PLCXD3: variants seen among roughly 807,000 people sequenced by gnomAD.
PLCXD3 encodes the protein phosphatidylinositol specific phospholipase C X domain containing 3.
In PLCXD3, 19 loss-of-function variants were observed where a neutral mutation model predicts 25.5. That is an observed-to-expected ratio of 0.75 (90% CI 0.52 to 1.09). The LOEUF (loss-of-function observed/expected upper bound fraction) is 1.09. PLCXD3 is among the 50% of genes least tolerant of loss of function. PLCXD3 has a pLI of 0.00. For missense variants in PLCXD3, 411 were observed against 388.1 expected (o/e 1.06, Z -0.50); for synonymous variants, 174 against 137.6 (o/e 1.26, Z -1.85).
chr5:41,437,312 G>C (rs1174299805), intron 1 of PLCXD3, among the ~76,000 whole-genome samples: 2 of 152,196 alleles, frequency 1.3e-5, no homozygotes, highest in African/African-American at 4.8e-5. Context: ...TGGCCACAAT[G>C]ATCTTTCATT....
intron 1 of PLCXD3, among the ~76,000 whole-genome samples, chr5:41,454,522 A>T (rs1234057085): frequency 6.6e-6 from 1 of 151,946 alleles, no homozygotes; most frequent in Non-Finnish European, 1.5e-5. Flanking sequence ...TGACCTAATT[A>T]CCTTCCAAAG....
At chr5:41,470,099 A>G (rs1346072381) in intron 1 of PLCXD3, among the ~76,000 whole-genome samples, 2 of 152,240 alleles carry the variant, frequency 1.3e-5, no homozygotes, top group Admixed American at 1.3e-4. Context: ...AAAAACACAC[A>G]GTGTGGAATA....
At chr5:41,476,752 A>G (rs1278775907) in intron 1 of PLCXD3, among the ~76,000 whole-genome samples, 1 of 152,190 alleles carries the variant, frequency 6.6e-6, no homozygotes, top group African/African-American at 2.4e-5. Context: ...GTTGAACCTG[A>G]GGTTGGTCTT....
intron 1 of PLCXD3, among the ~76,000 whole-genome samples, chr5:41,480,032 G>A (rs960321246): frequency 1.3e-5 from 2 of 152,098 alleles, no homozygotes; most frequent in African/African-American, 4.8e-5. Context: ...TTGGGAAAAT[G>A]CATTTGTTAT....
At chr5:41,428,728 C>A (rs1217772014) in intron 1 of PLCXD3, among the ~76,000 whole-genome samples, 1 of 152,126 alleles carries the variant, frequency 6.6e-6, no homozygotes, top group Non-Finnish European at 1.5e-5. Flanking sequence ...CTTTTAAAAT[C>A]AGTCCCTTCA....
chr5:41,390,764 A>G (rs1042902695), intron 1 of PLCXD3, among the ~76,000 whole-genome samples: 4 of 152,170 alleles, frequency 2.6e-5, no homozygotes, highest in Admixed American at 2.6e-4. Context: ...AAATCAGATG[A>G]CCACTCATAG....
rs1303006365 is a variant in PLCXD3 at position 41,308,292 on chromosome 5, G to T, written c.*5325C>A. On this transcript the variant is annotated 3_prime_UTR_variant, in exon 3 of 3. Transcript: ENST00000377801. ...GAATTTCAGATAAACTTTTTTTAAAGTGAAAGTATGTCTGATTAAATATAT... is the reference window on the plus strand; with the variant it reads ...GAATTTCAGATAAACTTTTTTTAAATTGAAAGTATGTCTGATTAAATATAT... The T allele has an allele frequency of 4.6e-5, 7 of 152,106 alleles. No homozygotes were observed. The allele number at this position is 152,106 out of a possible 1,614,324, so 9.4% of individuals were successfully genotyped here. A position where few individuals can be genotyped will look rare whatever the true frequency, so the allele number is the denominator to read the frequency against.
At chr5:41,365,656 G>A (rs1202340433) in intron 2 of PLCXD3, among the ~76,000 whole-genome samples, 1 of 152,060 alleles carries the variant, frequency 6.6e-6, no homozygotes, top group Admixed American at 6.5e-5. Flanking sequence ...CTGGGACACT[G>A]GGAAACACTA....
At chr5:41,328,795 G>T (rs977042512) in intron 2 of PLCXD3, among the ~76,000 whole-genome samples, 5 of 152,168 alleles carry the variant, frequency 3.3e-5, no homozygotes, top group African/African-American at 1.2e-4. Flanking sequence ...GTTTTAAAAA[G>T]ATTTAAAGAA....
In PLCXD3 at chr5:41,463,939, T is replaced by A. The variant is rs147099100; in HGVS notation, c.103+46485A>T. ...CATCCTTGGGAGCTCAACAAAATCA[T>A]AACAGCACTTTTTAATGTAAATATT... On this transcript the variant is annotated intron_variant, in intron 1 of 2. Transcript: ENST00000377801. 3.3e-5 allele frequency among the ~76,000 whole-genome samples: 5 copies of A among 152,118 alleles called. No homozygotes were observed. The East Asian group carries it at 5.8e-4, about 18-fold the overall frequency.
At chr5:41,402,391 AG>A (rs1427699507) in intron 1 of PLCXD3, among the ~76,000 whole-genome samples, 2 of 151,726 alleles carry the variant, frequency 1.3e-5, no homozygotes, top group Admixed American at 6.6e-5. Context: ...TAGATTTCTT[AG>A]GCAGCTTTTT....
chr5:41,429,944 C>T (rs1186708106), intron 1 of PLCXD3, among the ~76,000 whole-genome samples: 4 of 151,950 alleles, frequency 2.6e-5, no homozygotes, highest in Non-Finnish European at 5.9e-5. Context: ...AACCTTGATG[C>T]CCCTGGAAAC....
intron 2 of PLCXD3, among the ~76,000 whole-genome samples, chr5:41,327,059 C>T (rs1011951794): frequency 1.3e-5 from 2 of 152,092 alleles, no homozygotes; most frequent in Admixed American, 1.3e-4. Flanking sequence ...AATTTAAGGA[C>T]CATTTCACAA....
At chr5:41,380,398 G>A (rs1410382100) in intron 2 of PLCXD3, among the ~76,000 whole-genome samples, 2 of 151,956 alleles carry the variant, frequency 1.3e-5, no homozygotes, top group African/African-American at 4.8e-5. Flanking sequence ...ACAGTTCTAA[G>A]CACCTATTAA....
chr5:41,340,808 C>A (rs1314855062), intron 2 of PLCXD3, among the ~76,000 whole-genome samples: 1 of 152,094 alleles, frequency 6.6e-6, no homozygotes, highest in Admixed American at 6.6e-5. Flanking sequence ...TTATTGGGAA[C>A]TCATGTCCCA....
At chr5:41,419,198 T>A (rs1244939019) in intron 1 of PLCXD3, among the ~76,000 whole-genome samples, 1 of 152,166 alleles carries the variant, frequency 6.6e-6, no homozygotes, top group Non-Finnish European at 1.5e-5. Context: ...TAGGAAGATG[T>A]AGCCAGCAGC....
Position 41,372,100 on chromosome 5 carries a change from C to CT in PLCXD3, c.812+9725dup, listed in dbSNP as rs373710168. ...CCCCCATCGACCTACCTCCTTTCAACTTTTTTTTGTGAGTGCTAGCTATAC... is the reference window on the plus strand; with the variant it reads ...CCCCCATCGACCTACCTCCTTTCAACTTTTTTTTTGTGAGTGCTAGCTATAC... On this transcript the variant is annotated intron_variant, in intron 2 of 2. Coordinates refer to ENST00000377801, the MANE Select transcript of PLCXD3 (RefSeq NM_001005473.3). Among the ~76,000 whole-genome samples the CT allele has an allele frequency of 1.5e-4, 23 of 151,964 alleles. No individual in the cohort carries two copies. The East Asian group carries it at 3.9e-3, about 26-fold the overall frequency.
chr5:41,454,400 G>T (rs186090841), intron 1 of PLCXD3, among the ~76,000 whole-genome samples: 1 of 152,068 alleles, frequency 6.6e-6, no homozygotes, highest in Admixed American at 6.6e-5. Context: ...CCTACTTTCT[G>T]GTTCACAGAT....
At chr5:41,402,352 T>A (rs991058825) in intron 1 of PLCXD3, among the ~76,000 whole-genome samples, 6 of 151,944 alleles carry the variant, frequency 3.9e-5, no homozygotes, top group African/African-American at 1.4e-4. Flanking sequence ...TCTAAGTAAT[T>A]TATAAATGTG....
Sources: allele counts gnomAD v4.1 joint callset (sites outside exome capture counted in the v4.1 genomes callset), GRCh38; gene constraint gnomAD v4.1.1; transcripts MANE v1.5; gene names NCBI Gene and HGNC (gene_info 2026-07-23, HGNC 2026-07-21).